The following GOLGA2 variants were observed in gnomAD, a reference collection of about 807,000 sequenced individuals.
GOLGA2 encodes golgin A2, also known as golgin subfamily A member 2.
GOLGA2 carries 49 observed loss-of-function variants against 148.8 expected under a neutral mutation model. The observed-to-expected ratio is 0.33, with a 90% CI of 0.26 to 0.42. GOLGA2 has a LOEUF of 0.42. GOLGA2 is among the 10% of genes least tolerant of loss of function. The pLI is 1.00. For synonymous variants in GOLGA2, 501 were observed against 511.8 expected (o/e 0.98, Z 0.28); for missense variants, 1,178 against 1,304.6 (o/e 0.90, Z 1.49).
intron 3 of GOLGA2, among the ~76,000 whole-genome samples, chr9:128,272,128 T>A (rs77125604): frequency 1.4e-5 from 2 of 142,582 alleles, no homozygotes; most frequent in Non-Finnish European, 3.1e-5. Context: ...TTTTTTTGTG[T>A]TTTTTTTTTT....
chr9:128,262,987 C>A (rs1444640308), intron 13 of GOLGA2, 47 bp downstream of exon 13: 2 of 1,278,732 alleles, frequency 1.6e-6, no homozygotes, highest in East Asian at 4.6e-5. Flanking sequence ...GCACACCACC[C>A]ATGCTGAGGG....
Position 128,275,905 on chromosome 9 carries a change from T to C in GOLGA2, c.72A>G (p.Ala24=), listed in dbSNP as rs758817038. 3 of 1,573,218 alleles carry C rather than the reference T, an allele frequency of 1.9e-6. No individual in the cohort carries two copies. Among genetic ancestry groups the C allele is most frequent in the Non-Finnish European group, 1.7e-6 (2 of 1,157,638 alleles). The change falls in exon 1 of 27, where the codon GCA becomes GCG. Residue 24 remains alanine, a synonymous_variant. Coordinates refer to ENST00000611957, the MANE Select transcript of GOLGA2 (RefSeq NM_001366244.2). ...CGGTGCACTTTACCTTTTTCTTCGC[T>C]GCGGCCAATTTGCTCTGTCGGGTTT... ...SEETRQSKLA[A]AKKKLREYQQ...
intron 1 of GOLGA2, among the ~76,000 whole-genome samples, chr9:128,274,364 A>G (rs1190324481): frequency 6.6e-6 from 1 of 152,130 alleles, no homozygotes; most frequent in Non-Finnish European, 1.5e-5. Flanking sequence ...ACATCACTAC[A>G]TTCCACTCCA....
intron 13 of GOLGA2, 141 bp downstream of exon 13, chr9:128,262,893 A>G: frequency 1.3e-6 from 1 of 795,940 alleles, no homozygotes; most frequent in South Asian, 1.4e-5. Context: ...AGTCAGTGGC[A>G]CAGCTGGCAC....
chr9:128,260,678 T>C lies in GOLGA2; in HGVS notation c.1545A>G (p.Gln515=). The C allele has an allele frequency of 6.2e-7, 1 of 1,613,438 alleles. No individual in the cohort carries two copies. Among genetic ancestry groups the C allele is most frequent in the Non-Finnish European group, 8.5e-7 (1 of 1,179,986 alleles). The change falls in exon 18 of 27, where the codon CAA becomes CAG. Residue 515 remains glutamine, a synonymous_variant. Coordinates refer to ENST00000611957, the MANE Select transcript of GOLGA2 (RefSeq NM_001366244.2). This position sits in a 1 kb window ranked among gnomAD's most constrained non-coding sequence, Gnocchi z 4.8. The part of the protein sequence containing the change: ...GLAGQLQAQV[Q]DNEGLSRLNR... ...TCAGGCGACTCAAGCCCTCATTGTC[T>C]TGCACCTGGGCTTGAAGCTGTCCTG...
In GOLGA2 at chr9:128,258,374, C is replaced by G; in HGVS notation, c.2289+81G>C. On this transcript the variant is annotated intron_variant, in intron 22 of 26. Coordinates refer to ENST00000611957, the MANE Select transcript of GOLGA2 (RefSeq NM_001366244.2). This position sits in a 1 kb window ranked among gnomAD's most constrained non-coding sequence, Gnocchi z 6.6. ...TGAGGGTCCGAAGAAATCAGAAGGC[C>G]GGGAAACCAAGAGCAGAAGGGGGTC... The G allele has an allele frequency of 7.4e-7, 1 of 1,353,728 alleles. No individual in the cohort carries two copies. The highest frequency in any genetic ancestry group is 1.1e-6 in the Non-Finnish European group (1 of 950,690). 83.9% of individuals were successfully genotyped at this position (1,353,728 alleles called of 1,614,324 possible).
Position 128,266,655 on chromosome 9 carries a change from G to T in GOLGA2, c.643-330C>A. ...AGGTGTAATCATTCAACAAACATTT[G>T]CTGAGCACACACAGGCCAGGTACGG... On this transcript the variant is annotated intron_variant, in intron 8 of 26. Coordinates refer to ENST00000611957, the MANE Select transcript of GOLGA2 (RefSeq NM_001366244.2). This position sits in a 1 kb window ranked among gnomAD's most constrained non-coding sequence, Gnocchi z 4.2. 2.1e-6 allele frequency: 1 copy of T among 466,534 alleles called. No homozygotes were observed. Among genetic ancestry groups the T allele is most frequent in the Non-Finnish European group, 3.8e-6 (1 of 259,798 alleles). 28.9% of individuals were successfully genotyped at this position (466,534 alleles called of 1,614,324 possible).
Position 128,259,199 on chromosome 9 carries a change from C to G in GOLGA2, c.2065G>C (p.Glu689Gln). Residue 689 changes from glutamate (E) to glutamine (Q), a missense_variant, in exon 20 of 27, where the codon GAG becomes CAG. This residue lies in a region of GOLGA2 where 529 missense variants were observed against 521.8 expected (regional missense o/e 1.01). Coordinates refer to ENST00000611957, the MANE Select transcript of GOLGA2 (RefSeq NM_001366244.2). ...QQEAQGKAVA[E>Q]MARQELQETQ... ...TCCTGCAACTCTTGGCGGGCCATCTCGGCCACCGCTTTGCCCTGAGCTTCC... is the reference window on the plus strand; with the variant it reads ...TCCTGCAACTCTTGGCGGGCCATCTGGGCCACCGCTTTGCCCTGAGCTTCC... 11 of 1,587,248 alleles carry G rather than the reference C, an allele frequency of 6.9e-6. No individual in the cohort carries two copies. The highest frequency in any genetic ancestry group is 1.2e-5 in the South Asian group (1 of 84,792).
chr9:128,260,254 G>T lies in GOLGA2; in HGVS notation c.1759-65C>A. On this transcript the variant is annotated intron_variant, in intron 18 of 26. Coordinates refer to ENST00000611957, the MANE Select transcript of GOLGA2 (RefSeq NM_001366244.2). This position sits in a 1 kb window ranked among gnomAD's most constrained non-coding sequence, Gnocchi z 4.8. Reference sequence around the variant, plus strand: ...TGGAGACCCCAGAACTTGCTGCCTTGGTGTCTGCCTCCCATGGCACCGGGA... The same window carrying T: ...TGGAGACCCCAGAACTTGCTGCCTTTGTGTCTGCCTCCCATGGCACCGGGA... 7.5e-7 allele frequency: 1 copy of T among 1,331,668 alleles called. No homozygotes were observed. The highest frequency in any genetic ancestry group is 1.1e-6 in the Non-Finnish European group (1 of 934,642). The allele number at this position is 1,331,668 out of a possible 1,614,324, so 82.5% of individuals were successfully genotyped here.
Position 128,261,587 on chromosome 9 carries a change from G to A in GOLGA2, c.1225-26C>T, listed in dbSNP as rs1394693885. The A allele has an allele frequency of 2.6e-6, 4 of 1,532,210 alleles. No individual in the cohort carries two copies. In the South Asian group the frequency reaches 3.4e-5, roughly 13 times the overall value. The allele number at this position is 1,532,210 out of a possible 1,614,324, so 94.9% of individuals were successfully genotyped here. ...CTGCAAGAATGGCCACAGAAATGAG[G>A]AAGGACTGTCACTGGTTGTCACCTA... On this transcript the variant is annotated intron_variant, in intron 15 of 26. Coordinates refer to ENST00000611957, the MANE Select transcript of GOLGA2 (RefSeq NM_001366244.2). The surrounding 1 kb of genome is among the most constrained non-coding windows in gnomAD (Gnocchi z 5.7).
chr9:128,258,291 G>A lies in GOLGA2; in HGVS notation c.2290-93C>T. 6.9e-6 allele frequency: 8 copies of A among 1,163,702 alleles called. No individual in the cohort carries two copies. In the South Asian group the frequency reaches 9.8e-5, roughly 14 times the overall value. The allele number at this position is 1,163,702 out of a possible 1,614,324, so 72.1% of individuals were successfully genotyped here. On this transcript the variant is annotated intron_variant, in intron 22 of 26. Coordinates refer to ENST00000611957, the MANE Select transcript of GOLGA2 (RefSeq NM_001366244.2). This position sits in a 1 kb window ranked among gnomAD's most constrained non-coding sequence, Gnocchi z 6.6. ...CAGCCCTTCCCTTGGGGCCTCAGAG[G>A]GTGCACTTGTTGGTCCCAAGTGAAA...
Position 128,257,045 on chromosome 9 carries a change from C to T in GOLGA2, c.*22G>A. 6.3e-7 allele frequency: 1 copy of T among 1,582,048 alleles called. No individual in the cohort carries two copies. The highest frequency in any genetic ancestry group is 8.7e-7 in the Non-Finnish European group (1 of 1,154,300). ...GGGTATCCAGCCCCACTTCTTCAGG[C>T]TTTGCTGACAGTAGCCGGCTTTTAG... On this transcript the variant is annotated 3_prime_UTR_variant, in exon 27 of 27. Coordinates refer to ENST00000611957, the MANE Select transcript of GOLGA2 (RefSeq NM_001366244.2). This position sits in a 1 kb window ranked among gnomAD's most constrained non-coding sequence, Gnocchi z 8.0.
chr9:128,275,948 C>T lies in GOLGA2; in HGVS notation c.29G>A (p.Arg10His). 6.4e-7 allele frequency: 1 copy of T among 1,567,696 alleles called. No homozygotes were observed. The highest frequency in any genetic ancestry group is 8.7e-7 in the Non-Finnish European group (1 of 1,149,794). The change falls in exon 1 of 27, where the codon CGC becomes CAC. Residue 10 changes from arginine (R) to histidine (H), a missense_variant. This residue lies in a region of GOLGA2 where 158 missense variants were observed against 156.6 expected (regional missense o/e 1.01). Transcript: ENST00000611957. The part of the protein sequence containing the change: MWPQPRLPP[R>H]PAMSEETRQS... ...TCGGGTTTCTTCCGACATCGCGGGG[C>T]GGGGAGGGAGGCGGGGTTGGGGCCA...
chr9:128,264,736 A>G (rs1343203963), intron 12 of GOLGA2, among the ~76,000 whole-genome samples: 1 of 152,102 alleles, frequency 6.6e-6, no homozygotes, highest in Non-Finnish European at 1.5e-5. Context: ...CCAAGATCGA[A>G]TTTACAGCTG....
At chr9:128,264,136 G>A (rs967902155) in intron 12 of GOLGA2, among the ~76,000 whole-genome samples, 3 of 150,618 alleles carry the variant, frequency 2.0e-5, no homozygotes, top group African/African-American at 7.3e-5. Context: ...CTGCACTCCA[G>A]CCTGGGCAAC....
chr9:128,260,759 C>T lies in GOLGA2; in HGVS notation c.1464G>A (p.Val488=). 1 of 1,612,418 alleles carries T rather than the reference C, an allele frequency of 6.2e-7. No homozygotes were observed. Among genetic ancestry groups the T allele is most frequent in the Non-Finnish European group, 8.5e-7 (1 of 1,179,644 alleles). Residue 488 remains valine (V), a synonymous_variant, in exon 18 of 27, where the codon GTG becomes GTA. Transcript: ENST00000611957. This position sits in a 1 kb window ranked among gnomAD's most constrained non-coding sequence, Gnocchi z 4.8. ...PPEPPAGPSE[V]EQQLQAEAEH... The stretch of plus-strand genomic sequence containing the variant: ...CAGCCTCCGCTTGTAGCTGCTGCTC[C>T]ACCTCGGAGGGCCCTGCTGGGGGCT...
chr9:128,257,476 C>A lies in GOLGA2; in HGVS notation c.2768G>T (p.Arg923Leu). ...QELVLRLVGD[R>L]NEWHGRFLAA... ...CAGGAATCTGCCATGCCACTCGTTG[C>A]GGTCGCCCACAAGCCGTAAGACCAG... The change falls in exon 26 of 27, where the codon CGC becomes CTC. Residue 923 changes from arginine to leucine, a missense_variant. By Grantham distance (102) the Arg-to-Leu change is moderately radical. This residue lies in a region of GOLGA2 where 149 missense variants were observed against 154.9 expected (regional missense o/e 0.96). Coordinates refer to ENST00000611957, the MANE Select transcript of GOLGA2 (RefSeq NM_001366244.2). This position sits in a 1 kb window ranked among gnomAD's most constrained non-coding sequence, Gnocchi z 8.0. The A allele has an allele frequency of 6.2e-7, 1 of 1,613,258 alleles. No homozygotes were observed. Among genetic ancestry groups the A allele is most frequent in the Non-Finnish European group, 8.5e-7 (1 of 1,179,968 alleles).
rs752789908 is a variant in GOLGA2, at chr9:128,267,926, T to C, written c.501+8A>G. 2 of 1,600,674 alleles carry C rather than the reference T, an allele frequency of 1.2e-6. No individual in the cohort carries two copies. The highest frequency in any genetic ancestry group is 1.7e-6 in the Non-Finnish European group (2 of 1,168,010). On this transcript the variant is annotated splice_region_variant and intron_variant, in intron 6 of 26. Transcript: ENST00000611957. ...CCACCCCGCTCTCGGCCTCAGTTCC[T>C]GAGGTACCTCACAAACAAGACCATT...
rs761528225 is a variant in GOLGA2 at position 128,257,707 on chromosome 9, C to G, written c.2612G>C (p.Gly871Ala). Residue 871 changes from glycine to alanine, a missense_variant and splice_region_variant, in exon 25 of 27, where the codon GGA (glycine) becomes GCA (alanine). Transcript: ENST00000611957. The surrounding 1 kb of genome is among the most constrained non-coding windows in gnomAD (Gnocchi z 8.0). ...IQLSGETDTI[G>A]EYIALYQSQR... ...GCTCTGGTACAGTGCAATGTACTCT[C>G]CTGCGGGAGGACAGGGCTCAGATGC... is the stretch of plus-strand genomic sequence containing the variant. 6.2e-7 allele frequency: 1 copy of G among 1,613,672 alleles called. No individual in the cohort carries two copies. The highest frequency in any genetic ancestry group is 1.7e-5 in the Admixed American group (1 of 60,026).
Sources: gnomAD v4.1 joint callset for allele counts (sites outside exome capture counted in the v4.1 genomes callset) on GRCh38, gnomAD v4.1.1 for gene constraint, gnomAD v4.1.1 regional missense constraint, Gnocchi (gnomAD v3.1) non-coding constraint, MANE v1.5 for transcripts, NCBI Gene and HGNC (gene_info 2026-07-23, HGNC 2026-07-21) for gene names.